Variants in PVR observed in about 807,000 individuals in gnomAD.
PVR encodes the protein poliovirus receptor.
In PVR, 39 loss-of-function variants were observed where a neutral mutation model predicts 43.3. The ratio of observed to expected loss-of-function variants is 0.90; its 90% confidence interval spans 0.70 to 1.18. The LOEUF is 1.18. Ranked by LOEUF, PVR falls within the 50% of genes most tolerant of loss-of-function variation. PVR has a pLI of 0.00. For synonymous variants in PVR, 224 were observed against 233.2 expected (o/e 0.96, Z 0.36); for missense variants, 480 against 549.7 (o/e 0.87, Z 1.27).
At chr19:44,658,199 T>G (rs188976684) in intron 5 of PVR, among the ~76,000 whole-genome samples, 1 of 152,194 alleles carries the variant, frequency 6.6e-6, no homozygotes, top group East Asian at 1.9e-4. Context: ...CAATTGCAAT[T>G]GACAGAAACA....
Position 44,661,791 on chromosome 19 carries a change from C to T in PVR, c.1234C>T (p.Gln412Ter). 1.2e-6 allele frequency: 2 copies of T among 1,614,018 alleles called. No homozygotes were observed. Among genetic ancestry groups the T allele is most frequent in the Non-Finnish European group, 1.7e-6 (2 of 1,179,980 alleles). The change falls in exon 8 of 8, where the codon CAG becomes TAG. Residue 412 changes from glutamine to a stop codon, truncating the protein, a stop_gained. Coordinates refer to ENST00000425690, the MANE Select transcript of PVR (RefSeq NM_006505.5). LOFTEE classifies it high-confidence loss of function. ...AGAGAACAGCTCTTCCCAGGATCCA[C>T]AGACAGAGGGCACAAGGTGACAGCG... ...SRENSSSQDP[Q>*]TEGTR is the part of the protein sequence containing the mutation.
chr19:44,662,847 CTG>C lies in PVR; in HGVS notation c.*1039_*1040del, dbSNP rs1973622325. Reference sequence around the variant, plus strand: ...CTAAATCTCTGTATCCGTCAGATCTCTGTGGTTACAAGAAACAGCCACTGACC... The same window carrying C: ...CTAAATCTCTGTATCCGTCAGATCTCTGGTTACAAGAAACAGCCACTGACC... On this transcript the variant is annotated 3_prime_UTR_variant, in exon 8 of 8. Coordinates refer to ENST00000425690, the MANE Select transcript of PVR (RefSeq NM_006505.5). 6.6e-6 allele frequency: 1 copy of C among 152,196 alleles called. No individual in the cohort carries two copies. Among genetic ancestry groups the C allele is most frequent in the Admixed American group, 6.5e-5 (1 of 15,276 alleles). 9.4% of individuals were successfully genotyped at this position (152,196 alleles called of 1,614,324 possible).
chr19:44,659,067 A>T (rs112064707), intron 6 of PVR, 167 bp downstream of exon 6: 1 of 593,500 alleles, frequency 1.7e-6, no homozygotes, highest in African/African-American at 1.9e-5. Flanking sequence ...CATTGATTAC[A>T]TTTACAAATA....
chr19:44,648,679 C>G (rs203702), intron 2 of PVR, among the ~76,000 whole-genome samples: 45,837 of 151,414 alleles, frequency 0.3, 8,028 homozygotes, highest in African/African-American at 0.49. Flanking sequence ...GTTTTGTTTT[C>G]TTTTCTTTTT....
chr19:44,658,593 C>A, intron 5 of PVR, 149 bp from the exon 6 acceptor site: 1 of 669,136 alleles, frequency 1.5e-6, no homozygotes, highest in Non-Finnish European at 2.5e-6. Flanking sequence ...CCATTCTGGG[C>A]ACCAGAGGGT....
rs1973601147 is a variant in PVR at position 44,661,846 on chromosome 19, C to T, written c.*35C>T. 1.9e-6 allele frequency: 3 copies of T among 1,599,112 alleles called. No individual in the cohort carries two copies. The highest frequency in any genetic ancestry group is 1.3e-5 in the African/African-American group (1 of 74,604). On this transcript the variant is annotated 3_prime_UTR_variant, in exon 8 of 8. Transcript: ENST00000425690. Reference sequence around the variant, plus strand: ...GACTGAGAGGGGAGAGAGACTGGAGCTGGCAAGGACGTGGGCCTCCAGAGT... The same window carrying T: ...GACTGAGAGGGGAGAGAGACTGGAGTTGGCAAGGACGTGGGCCTCCAGAGT...
chr19:44,647,576 C>A lies in PVR; in HGVS notation c.427+6C>A. ...TATCTGGCTCCGAGTGCTTGGTGAG[C>A]AGGGGGTTTTGGGGAGGCTGAATGA... is the stretch of plus-strand genomic sequence containing the variant. On this transcript the variant is annotated splice_donor_region_variant and intron_variant, in intron 2 of 7. Coordinates refer to ENST00000425690, the MANE Select transcript of PVR (RefSeq NM_006505.5). 2 of 1,601,616 alleles carry A rather than the reference C, an allele frequency of 1.2e-6. No individual in the cohort carries two copies. The highest frequency in any genetic ancestry group is 1.7e-4 in the Middle Eastern group (1 of 6,026).
chr19:44,663,541 C>T lies in PVR; in HGVS notation c.*1730C>T, dbSNP rs1973638740. Reference sequence around the variant, plus strand: ...TGGCACGTAAGCTCCTTGTCTGTCTCCAGCACCCAGAATCTCATTAAAGCT... The same window carrying T: ...TGGCACGTAAGCTCCTTGTCTGTCTTCAGCACCCAGAATCTCATTAAAGCT... On this transcript the variant is annotated 3_prime_UTR_variant, in exon 8 of 8. Coordinates refer to ENST00000425690, the MANE Select transcript of PVR (RefSeq NM_006505.5). 1 of 152,138 alleles carries T rather than the reference C, an allele frequency of 6.6e-6. No homozygotes were observed. Among genetic ancestry groups the T allele is most frequent in the Admixed American group, 6.6e-5 (1 of 15,266 alleles). The allele number at this position is 152,138 out of a possible 1,614,324, so 9.4% of individuals were successfully genotyped here.
rs541890657 is a variant in PVR at position 44,664,895 on chromosome 19, A to G, written c.*3084A>G. 15 of 152,164 alleles carry G rather than the reference A, an allele frequency of 9.9e-5. No individual in the cohort carries two copies. The highest frequency in any genetic ancestry group is 3.1e-4 in the African/African-American group (13 of 41,512). 9.4% of individuals were successfully genotyped at this position (152,164 alleles called of 1,614,324 possible). The stretch of plus-strand genomic sequence containing the variant: ...TCATGTTAACACCTGAGTGTAGGAC[A>G]CACTCCTGGAGGTGGAATTGCTGGG... On this transcript the variant is annotated 3_prime_UTR_variant, in exon 8 of 8. Transcript: ENST00000425690.
Position 44,653,107 on chromosome 19 carries a change from C to T in PVR, c.725-793C>T, listed in dbSNP as rs115581200. 9.7e-3 allele frequency among the ~76,000 whole-genome samples: 1,484 copies of T among 152,230 alleles called. 18 individuals carry two copies. The highest frequency in any genetic ancestry group is 0.034 in the African/African-American group (1,432 of 41,534). On this transcript the variant is annotated intron_variant, in intron 3 of 7. Coordinates refer to ENST00000425690, the MANE Select transcript of PVR (RefSeq NM_006505.5). Reference sequence around the variant, plus strand: ...ACATACACAGAGCCTGTCTTAATTTCGTCAGCTCCCGGGGACACACTGTAT... The same window carrying T: ...ACATACACAGAGCCTGTCTTAATTTTGTCAGCTCCCGGGGACACACTGTAT...
Position 44,647,221 on chromosome 19 carries a change from A to AGGGGACGTC in PVR, c.80_88dup. On this transcript the variant is annotated splice_acceptor_variant, in intron 1 of 7. Coordinates refer to ENST00000425690, the MANE Select transcript of PVR (RefSeq NM_006505.5). LOFTEE classifies it high-confidence loss of function. ...TGACACCTTCTCTTCGGTTCTCCGC[A>AGGGGACGTC]GGGGACGTCGTCGTGCAGGCGCCCA... The AGGGGACGTC allele has an allele frequency of 4.6e-6, 7 of 1,534,552 alleles. No homozygotes were observed. The highest frequency in any genetic ancestry group is 6.2e-6 in the Non-Finnish European group (7 of 1,136,216).
At chr19:44,648,072 A>G (rs949762328) in intron 2 of PVR, among the ~76,000 whole-genome samples, 1 of 152,174 alleles carries the variant, frequency 6.6e-6, no homozygotes. Flanking sequence ...GGGCCCCAGC[A>G]CTTTCCACCA....
chr19:44,647,077 T>TCCCCCCCCCCCCCCACCC, intron 1 of PVR, 146 bp from the exon 2 acceptor site: 1 of 311,374 alleles, frequency 3.2e-6, no homozygotes, highest in South Asian at 5.9e-5. Flanking sequence ...GTGCCCCAGT[T>TCCCCCCCCCCCCCCACCC]CCCCCTCCCC....
In PVR at chr19:44,661,816, G is replaced by T; in HGVS notation, c.*5G>T. 6.2e-7 allele frequency: 1 copy of T among 1,613,664 alleles called. No homozygotes were observed. The highest frequency in any genetic ancestry group is 1.7e-5 in the Admixed American group (1 of 60,020). On this transcript the variant is annotated 3_prime_UTR_variant, in exon 8 of 8. Transcript: ENST00000425690. ...CAGACAGAGGGCACAAGGTGACAGC[G>T]TCGGGACTGAGAGGGGAGAGAGACT...
At chr19:44,644,657 A>C (rs1973026594) in intron 1 of PVR, among the ~76,000 whole-genome samples, 1 of 150,392 alleles carries the variant, frequency 6.6e-6, no homozygotes, top group African/African-American at 2.5e-5. Flanking sequence ...ACTTGACACC[A>C]TTACCCCTCT....
rs953303227 is a variant in PVR at position 44,664,759 on chromosome 19, G to A, written c.*2948G>A. ...GAAAGGAATCTTGCCATCTTGCCCA[G>A]GCTGGTCTCAAATTCCTGGGCCCAA... On this transcript the variant is annotated 3_prime_UTR_variant, in exon 8 of 8. Coordinates refer to ENST00000425690, the MANE Select transcript of PVR (RefSeq NM_006505.5). The A allele has an allele frequency of 6.6e-6, 1 of 151,100 alleles. No individual in the cohort carries two copies. The highest frequency in any genetic ancestry group is 1.5e-5 in the Non-Finnish European group (1 of 67,846). The allele number at this position is 151,100 out of a possible 1,614,324, so 9.4% of individuals were successfully genotyped here.
At chr19:44,645,323 A>G (rs1321249940) in intron 1 of PVR, among the ~76,000 whole-genome samples, 2 of 119,992 alleles carry the variant, frequency 1.7e-5, no homozygotes, top group African/African-American at 3.4e-5. Context: ...TATTTATAAC[A>G]TATATTATTT....
intron 1 of PVR, 149 bp from the exon 2 acceptor site, chr19:44,647,074 A>G: frequency 1.6e-4 from 4 of 24,318 alleles, no homozygotes; most frequent in Non-Finnish European, 2.4e-4. Flanking sequence ...CTAGTGCCCC[A>G]GTTCCCCCTC....
At chr19:44,650,938 A>G (rs892019910) in intron 3 of PVR, among the ~76,000 whole-genome samples, 4 of 151,480 alleles carry the variant, frequency 2.6e-5, no homozygotes, top group Admixed American at 6.6e-5. Flanking sequence ...GGGCATGATC[A>G]TGGTTCCTAC....
Sources: allele counts gnomAD v4.1 joint callset (sites outside exome capture counted in the v4.1 genomes callset), GRCh38; gene constraint gnomAD v4.1.1; transcripts MANE v1.5; gene names NCBI Gene and HGNC (gene_info 2026-07-23, HGNC 2026-07-21).